The following ERCC6L2 variants were observed in gnomAD, a reference collection of about 807,000 sequenced individuals.
The protein encoded by ERCC6L2 is DNA excision repair protein ERCC-6-like 2.
Under a neutral mutation model 132.0 loss-of-function variants are expected in ERCC6L2, and 77 were observed. The ratio of observed to expected loss-of-function variants is 0.58; its 90% confidence interval spans 0.49 to 0.71. The LOEUF is 0.71. Among genes scored for constraint, ERCC6L2 ranks in the 30% least tolerant of loss-of-function variants. ERCC6L2 has a pLI of 0.00. For synonymous variants in ERCC6L2, 583 were observed against 632.4 expected, an observed-to-expected ratio of 0.92 and a Z score of 1.17; for missense variants, 1,542 against 1,837.6, an observed-to-expected ratio of 0.84 and a Z score of 2.94.
chr9:95,953,131 G>C (rs990780096), intron 12 of ERCC6L2, among the ~76,000 whole-genome samples: 2 of 152,188 alleles, frequency 1.3e-5, no homozygotes, highest in African/African-American at 4.8e-5. Context: ...GAAAGTGCCT[G>C]TAGCTATATA....
At chr9:95,919,495 C>T (rs1829761314) in intron 6 of ERCC6L2, among the ~76,000 whole-genome samples, 1 of 152,126 alleles carries the variant, frequency 6.6e-6, no homozygotes, top group Non-Finnish European at 1.5e-5. Flanking sequence ...AAGTGGTCCA[C>T]TTGCCCCCAA....
intron 17 of ERCC6L2, among the ~76,000 whole-genome samples, chr9:96,000,176 C>T (rs939923497): frequency 2.0e-5 from 3 of 152,014 alleles, no homozygotes; most frequent in South Asian, 2.1e-4. Context: ...TGTGAGCCAC[C>T]GCGCCTGGCC....
chr9:95,974,248 C>T (rs1305078874), intron 16 of ERCC6L2, among the ~76,000 whole-genome samples: 1 of 151,854 alleles, frequency 6.6e-6, no homozygotes, highest in Non-Finnish European at 1.5e-5. Flanking sequence ...TATTGCTTAC[C>T]CAGTGGCGCA....
intron 13 of ERCC6L2, among the ~76,000 whole-genome samples, chr9:95,957,859 C>T (rs1831687462): frequency 1.3e-5 from 2 of 150,514 alleles, no homozygotes; most frequent in South Asian, 4.2e-4. Context: ...GAAAAAAAAT[C>T]CAAAAATTAT....
At position 95,876,093 on chromosome 9, in the gene ERCC6L2, T is replaced by C. The variant is rs1193538419; in HGVS notation, c.46+9T>C. 3.8e-6 allele frequency: 6 copies of C among 1,565,614 alleles called. No individual in the cohort carries two copies. The South Asian group carries it at 4.7e-5, about 12-fold the overall frequency. ...GGAAACCTCAGGCAAAGGTACCAGC[T>C]CCGCGCTCGCCCCTTACGCAGAGGC... is the stretch of plus-strand genomic sequence containing the variant. On this transcript the variant is annotated intron_variant, in intron 1 of 18. Transcript: ENST00000653738.
In ERCC6L2 at chr9:95,973,020, C is replaced by T. The variant is rs772412602; in HGVS notation, c.3269C>T (p.Pro1090Leu). ...KKNSTFIPRK[P>L]MKCSNEKVVN... The stretch of plus-strand genomic sequence containing the variant: ...AATAGCACTTTTATTCCAAGAAAAC[C>T]AATGAAATGTTCAAATGAGAAAGTT... Residue 1090 changes from proline to leucine, a missense_variant, in exon 16 of 19, where the codon CCA becomes CTA. Physicochemically the swap from Pro to Leu is moderately conservative, Grantham distance 98 (BLOSUM62 -3). Coordinates refer to ENST00000653738, the MANE Select transcript of ERCC6L2 (RefSeq NM_020207.7). The T allele has an allele frequency of 1.1e-5, 15 of 1,361,562 alleles. No homozygotes were observed. Among genetic ancestry groups the T allele is most frequent in the African/African-American group, 1.5e-5 (1 of 67,580 alleles). 84.3% of individuals were successfully genotyped at this position (1,361,562 alleles called of 1,614,324 possible). A position where few individuals can be genotyped will look rare whatever the true frequency, so the allele number is the denominator to read the frequency against.
chr9:95,979,827 C>G (rs553316164), intron 17 of ERCC6L2, among the ~76,000 whole-genome samples: 1 of 152,236 alleles, frequency 6.6e-6, no homozygotes, highest in South Asian at 2.1e-4. Context: ...CAGAAACTTG[C>G]TTTGTTAGGA....
In ERCC6L2 at chr9:95,978,275, A is replaced by T. The variant is rs946935852; in HGVS notation, c.3492+60A>T. 2.6e-6 allele frequency: 3 copies of T among 1,134,494 alleles called. No individual in the cohort carries two copies. In the African/African-American group the frequency reaches 4.8e-5, roughly 18 times the overall value. The allele number at this position is 1,134,494 out of a possible 1,614,324, so 70.3% of individuals were successfully genotyped here. ...ACCTCATTTTTCACAGAAGTTACTCAATAGGATCTTCTCTAAGTACTCCCT... is the reference window on the plus strand; with the variant it reads ...ACCTCATTTTTCACAGAAGTTACTCTATAGGATCTTCTCTAAGTACTCCCT... On this transcript the variant is annotated intron_variant, in intron 17 of 18. Coordinates refer to ENST00000653738, the MANE Select transcript of ERCC6L2 (RefSeq NM_020207.7).
intron 20 of ERCC6L2, among the ~76,000 whole-genome samples, chr9:96,039,392 A>T (rs1164800110): frequency 6.6e-6 from 1 of 152,182 alleles, no homozygotes; most frequent in South Asian, 2.1e-4. Context: ...ATGAAAGTAA[A>T]GATGAGGGCT....
At chr9:95,960,783 C>T (rs1831865585) in intron 13 of ERCC6L2, among the ~76,000 whole-genome samples, 1 of 152,108 alleles carries the variant, frequency 6.6e-6, no homozygotes, top group Admixed American at 6.6e-5. Flanking sequence ...TAGGTGCGTG[C>T]TACCACACCA....
At chr9:95,960,754 T>C (rs770518398) in intron 13 of ERCC6L2, among the ~76,000 whole-genome samples, 1 of 152,108 alleles carries the variant, frequency 6.6e-6, no homozygotes, top group Non-Finnish European at 1.5e-5. Context: ...CACCTCAGCA[T>C]CCCAAGTAGC....
At chr9:95,929,285 C>A (rs1053486135) in intron 11 of ERCC6L2, among the ~76,000 whole-genome samples, 2 of 152,202 alleles carry the variant, frequency 1.3e-5, no homozygotes, top group Non-Finnish European at 2.9e-5. Flanking sequence ...TCTGCCTCTA[C>A]CTCATCTCAA....
At position 96,004,508 on chromosome 9, in the gene ERCC6L2, T is replaced by C. The variant is rs1833795902; in HGVS notation, c.3493-12T>C. On this transcript the variant is annotated splice_polypyrimidine_tract_variant and intron_variant, in intron 17 of 18. Coordinates refer to ENST00000653738, the MANE Select transcript of ERCC6L2 (RefSeq NM_020207.7). ...TTTCAGACATAGCTTTTGTTTCCTTTCTTTTTTTCAGACATATAAAGAAAA... is the reference window on the plus strand; with the variant it reads ...TTTCAGACATAGCTTTTGTTTCCTTCCTTTTTTTCAGACATATAAAGAAAA... 1.6e-6 allele frequency: 2 copies of C among 1,289,938 alleles called. No individual in the cohort carries two copies. Among genetic ancestry groups the C allele is most frequent in the Non-Finnish European group, 2.0e-6 (2 of 981,852 alleles). The allele number at this position is 1,289,938 out of a possible 1,614,324, so 79.9% of individuals were successfully genotyped here. A position where few individuals can be genotyped will look rare whatever the true frequency, so the allele number is the denominator to read the frequency against.
chr9:95,894,584 C>CTTTTT (rs1218474585), intron 2 of ERCC6L2, among the ~76,000 whole-genome samples: 4 of 83,484 alleles, frequency 4.8e-5, no homozygotes, highest in Admixed American at 1.3e-4. Context: ...ATATGTCAGC[C>CTTTTT]TTTTTTTTTT....
Position 95,972,237 on chromosome 9 carries a change from C to T in ERCC6L2, c.2486C>T (p.Thr829Ile), listed in dbSNP as rs188610453. The T allele has an allele frequency of 8.3e-4, 1,083 of 1,304,206 alleles. 4 individuals are homozygous for T. In the Middle Eastern group the frequency reaches 0.016, roughly 20 times the overall value. The allele number at this position is 1,304,206 out of a possible 1,614,324, so 80.8% of individuals were successfully genotyped here. Residue 829 changes from threonine (T) to isoleucine (I), a missense_variant, in exon 16 of 19, where the codon ACA becomes ATA. By Grantham distance (89) the Thr-to-Ile change is moderately conservative. Around this residue, in one of 4 missense-constraint regions of ERCC6L2, gnomAD observed 945 missense variants for 1,105.2 expected, o/e 0.86. Transcript: ENST00000653738. ...GATGAGCAGCCCACATGCCTTTCAA[C>T]AGAAGCCAAAGATGCTGGTTGTGAG... The part of the protein sequence containing the change: ...SSDEQPTCLS[T>I]EAKDAGCEKN...
chr9:95,877,073 AAG>A (rs1280841244), intron 1 of ERCC6L2: 1 of 152,204 alleles, frequency 6.6e-6, no homozygotes, highest in African/African-American at 2.4e-5. Flanking sequence ...TTTGGAGTGA[AAG>A]AGGGAGAGAG....
At chr9:95,967,244 A>T (rs955165322) in intron 14 of ERCC6L2, 1 of 152,078 alleles carries the variant, frequency 6.6e-6, no homozygotes, top group Non-Finnish European at 1.5e-5. Context: ...ATCCTTTTTT[A>T]AAAAAATCTT....
chr9:96,013,277 A>G lies in ERCC6L2; in HGVS notation c.*74A>G. ...CGGCACTGGATTCCACACTGATTCTATTATCTTGAACACAGTTGTTGACAT... is the reference window on the plus strand; with the variant it reads ...CGGCACTGGATTCCACACTGATTCTGTTATCTTGAACACAGTTGTTGACAT... On this transcript the variant is annotated 3_prime_UTR_variant, in exon 19 of 19. Coordinates refer to ENST00000653738, the MANE Select transcript of ERCC6L2 (RefSeq NM_020207.7). 1.7e-6 allele frequency: 2 copies of G among 1,191,526 alleles called. No homozygotes were observed. Among genetic ancestry groups the G allele is most frequent in the Non-Finnish European group, 2.2e-6 (2 of 905,760 alleles). 73.8% of individuals were successfully genotyped at this position (1,191,526 alleles called of 1,614,324 possible). A position where few individuals can be genotyped will look rare whatever the true frequency, so the allele number is the denominator to read the frequency against.
At chr9:96,004,199 C>G (rs903793710) in intron 17 of ERCC6L2, among the ~76,000 whole-genome samples, 1 of 152,182 alleles carries the variant, frequency 6.6e-6, no homozygotes, top group African/African-American at 2.4e-5. Context: ...CATGTTTATG[C>G]CATAGTGTAT....
Sources: gnomAD v4.1 joint callset for allele counts (sites outside exome capture counted in the v4.1 genomes callset) on GRCh38, gnomAD v4.1.1 for gene constraint, gnomAD v4.1.1 regional missense constraint, MANE v1.5 for transcripts, NCBI Gene and HGNC (gene_info 2026-07-23, HGNC 2026-07-21) for gene names.